Variants in CCDC30 observed in about 807,000 individuals in gnomAD.
CCDC30 encodes the protein coiled-coil domain-containing protein 30.
In CCDC30, 70 loss-of-function variants were observed where a neutral mutation model predicts 100.2. The ratio of observed to expected loss-of-function variants is 0.70; its 90% CI spans 0.58 to 0.85. The LOEUF (loss-of-function observed/expected upper bound fraction) is 0.85. Among genes scored for constraint, CCDC30 ranks in the 40% least tolerant of loss-of-function variants. The pLI is 0.00. For synonymous variants in CCDC30, 233 were observed against 269.5 expected (o/e 0.86, Z 1.33); for missense variants, 652 against 771.2 (o/e 0.85, Z 1.83).
In CCDC30 at chr1:42,637,396, G is replaced by A. The variant is rs1307402406; in HGVS notation, c.1419+18G>A. ...TAGAAAAGGTGAGGAAAAAATAAAAGGTGAAGAGCTCACTGGTGATTCCCA... is the reference window on the plus strand; with the variant it reads ...TAGAAAAGGTGAGGAAAAAATAAAAAGTGAAGAGCTCACTGGTGATTCCCA... On this transcript the variant is annotated intron_variant, in intron 12 of 16. Transcript: ENST00000668663. The A allele has an allele frequency of 6.2e-7, 1 of 1,601,736 alleles. No homozygotes were observed. Among genetic ancestry groups the A allele is most frequent in the Non-Finnish European group, 8.5e-7 (1 of 1,175,966 alleles).
intron 10 of CCDC30, among the ~76,000 whole-genome samples, chr1:42,598,757 C>CAA (rs1300357881): frequency 6.8e-6 from 1 of 146,174 alleles, no homozygotes; most frequent in Non-Finnish European, 1.5e-5. Flanking sequence ...GACCCTGTCT[C>CAA]AAAAAAAAAA....
At chr1:42,541,666 G>T (rs1645014585) in intron 6 of CCDC30, among the ~76,000 whole-genome samples, 1 of 152,132 alleles carries the variant, frequency 6.6e-6, no homozygotes, top group African/African-American at 2.4e-5. Flanking sequence ...CATATCTTGT[G>T]GGGAGATACT....
intron 11 of CCDC30, among the ~76,000 whole-genome samples, chr1:42,623,776 A>G (rs1439976795): frequency 6.6e-6 from 1 of 152,082 alleles, no homozygotes; most frequent in Non-Finnish European, 1.5e-5. Context: ...GAAGAATGTC[A>G]TTGGTATTTT....
At chr1:42,568,741 C>T (rs1439139497) in intron 7 of CCDC30, among the ~76,000 whole-genome samples, 1 of 149,592 alleles carries the variant, frequency 6.7e-6, no homozygotes, top group Non-Finnish European at 1.5e-5. Flanking sequence ...ACCAGCCTGG[C>T]TAACATGGCG....
chr1:42,534,703 C>T (rs1050953248), intron 6 of CCDC30, among the ~76,000 whole-genome samples: 1 of 152,292 alleles, frequency 6.6e-6, no homozygotes, highest in East Asian at 1.9e-4. Flanking sequence ...GCTCAGCTAC[C>T]AAACAACAGC....
intron 7 of CCDC30, among the ~76,000 whole-genome samples, chr1:42,571,545 G>A (rs12036087): frequency 0.2 from 30,443 of 151,942 alleles, 3,369 homozygotes; most frequent in South Asian, 0.42. Context: ...GGTGGGAAAT[G>A]GGTTTTTACT....
At chr1:42,508,830 A>G (rs1051544328) in intron 6 of CCDC30, among the ~76,000 whole-genome samples, 1 of 152,188 alleles carries the variant, frequency 6.6e-6, no homozygotes, top group African/African-American at 2.4e-5. Flanking sequence ...TGAAGAAAAA[A>G]GCCCTTTTTC....
chr1:42,489,686 C>T (rs1644107129), intron 3 of CCDC30, among the ~76,000 whole-genome samples: 1 of 152,170 alleles, frequency 6.6e-6, no homozygotes, highest in Non-Finnish European at 1.5e-5. Context: ...CTGTGCCATC[C>T]TTATACAATT....
intron 6 of CCDC30, among the ~76,000 whole-genome samples, chr1:42,507,004 G>A (rs1218041234): frequency 1.3e-5 from 2 of 152,106 alleles, no homozygotes; most frequent in Non-Finnish European, 2.9e-5. Context: ...TCAGCTCACT[G>A]CAACCTCTGC....
chr1:42,625,320 A>G (rs558515706), intron 11 of CCDC30, among the ~76,000 whole-genome samples: 7 of 143,848 alleles, frequency 4.9e-5, no homozygotes, highest in Non-Finnish European at 1.1e-4. Flanking sequence ...CAAAAAAACA[A>G]CTTTTTGTTT....
At chr1:42,637,170 A>T in intron 11 of CCDC30, 67 bp from the exon 16 acceptor site, 1 of 1,283,132 alleles carries the variant, frequency 7.8e-7, no homozygotes, top group Non-Finnish European at 1.1e-6. Context: ...AGAAAGGTGC[A>T]TATTGAGGAT....
chr1:42,629,754 C>T (rs956361745), intron 11 of CCDC30, among the ~76,000 whole-genome samples: 3 of 151,794 alleles, frequency 2.0e-5, no homozygotes, highest in Non-Finnish European at 4.4e-5. Context: ...GCCTCAGCCT[C>T]CCAAGTGTGT....
chr1:42,559,802 C>G (rs1645449193), intron 6 of CCDC30, among the ~76,000 whole-genome samples: 2 of 152,276 alleles, frequency 1.3e-5, no homozygotes, highest in South Asian at 4.1e-4. Context: ...TAGTAGACGT[C>G]TACAGAACTC....
chr1:42,497,373 A>G (rs1174237741), intron 5 of CCDC30, among the ~76,000 whole-genome samples, 160 bp downstream of exon 5: 2 of 152,214 alleles, frequency 1.3e-5, no homozygotes, highest in African/African-American at 4.8e-5. Flanking sequence ...ACCTAGATGC[A>G]TTCTATCTGT....
the CCDC30 span, chr1:42,457,067 C>A: frequency 6.3e-7 from 1 of 1,594,250 alleles, no homozygotes; most frequent in African/African-American, 1.3e-5. Flanking sequence ...GGCACTCAAT[C>A]CGCTAGGTGC....
At chr1:42,490,551 TACTACTACTACC>T (rs777380164) in intron 4 of CCDC30, among the ~76,000 whole-genome samples, 96 of 151,662 alleles carry the variant, frequency 6.3e-4, no homozygotes, top group Non-Finnish European at 1.1e-3. Flanking sequence ...TTATTATTAC[TACTACTACTACC>T]ACTACTACTA....
chr1:42,638,965 C>T (rs1647221266), intron 12 of CCDC30, among the ~76,000 whole-genome samples: 2 of 152,034 alleles, frequency 1.3e-5, no homozygotes, highest in Non-Finnish European at 2.9e-5. Context: ...GACATATCAT[C>T]AGCCTATTTC....
At chr1:42,510,023 A>G (rs746044075) in intron 6 of CCDC30, 62 of 970,546 alleles carry the variant, frequency 6.4e-5, no homozygotes, top group Non-Finnish European at 7.2e-5. Flanking sequence ...CCATGAAAAA[A>G]GGAAGGAAAA....
chr1:42,646,079 T>C, intron 14 of CCDC30, 56 bp from the exon 19 acceptor site: 1 of 1,510,878 alleles, frequency 6.6e-7, no homozygotes, highest in South Asian at 1.4e-5. Flanking sequence ...GGTACTAACT[T>C]CTAACATCTT....
Sources: gnomAD v4.1 joint callset for allele counts (sites outside exome capture counted in the v4.1 genomes callset) on GRCh38, gnomAD v4.1.1 for gene constraint, MANE v1.5 for transcripts, NCBI Gene and HGNC (gene_info 2026-07-23, HGNC 2026-07-21) for gene names.